The following DIAPH2 variants were observed in gnomAD, a reference collection of about 807,000 sequenced individuals.
The protein encoded by DIAPH2 is diaphanous related formin 2, also known as protein diaphanous homolog 2.
Under a neutral mutation model 92.7 loss-of-function variants are expected in DIAPH2, and 35 were observed. The observed-to-expected ratio is 0.38, with a 90% confidence interval of 0.29 to 0.50. The LOEUF is 0.50. Among genes scored for constraint, DIAPH2 ranks in the 20% least tolerant of loss-of-function variants. DIAPH2 has a pLI of 0.94. For synonymous variants in DIAPH2, 301 were observed against 280.4 expected (o/e 1.07, Z -0.73); for missense variants, 701 against 819.5 (o/e 0.86, Z 1.77).
At chrX:97,393,127 A>G (rs2069675269) in intron 25 of DIAPH2, among the ~76,000 whole-genome samples, 1 of 111,142 alleles carries the variant, frequency 9.0e-6, no homozygotes, top group African/African-American at 3.3e-5. Context: ...GACTACAAGG[A>G]GGATGTAGCT....
In DIAPH2 at chrX:96,916,337, T is replaced by C. The variant is rs6652334; in HGVS notation, c.733-101T>C. On this transcript the variant is annotated intron_variant, in intron 7 of 26. Transcript: ENST00000324765. Reference sequence around the variant, plus strand: ...CATATAATTAGGTAGAACCTCATTGTGGGGGTATGGGTTTTTGGAAGATCA... The same window carrying C: ...CATATAATTAGGTAGAACCTCATTGCGGGGGTATGGGTTTTTGGAAGATCA... The C allele has an allele frequency of 4.2e-5, 31 of 730,164 alleles. No individual in the cohort carries two copies. The African/African-American group carries it at 6.4e-4, about 15-fold the overall frequency. The allele number at this position is 730,164 out of a possible 1,213,427, so 60.2% of individuals were successfully genotyped here.
intron 26 of DIAPH2, among the ~76,000 whole-genome samples, chrX:97,549,266 C>T (rs1451478897): frequency 4.5e-5 from 5 of 111,167 alleles, no homozygotes; most frequent in Admixed American, 9.6e-5. Context: ...ATCTCCTTGC[C>T]TAAATATACA....
intron 17 of DIAPH2, among the ~76,000 whole-genome samples, chrX:96,987,345 AT>A (rs1365394128): frequency 1.8e-5 from 2 of 111,746 alleles, no homozygotes; most frequent in African/African-American, 6.5e-5. Context: ...TTATTTGCTC[AT>A]TCAACAAATA....
intron 26 of DIAPH2, among the ~76,000 whole-genome samples, chrX:97,502,624 G>C (rs1182971714): frequency 1.8e-5 from 2 of 112,294 alleles, no homozygotes; most frequent in Non-Finnish European, 3.8e-5. Flanking sequence ...TCTTTTAATA[G>C]ATTTTTCTTG....
chrX:97,026,533 A>G (rs1280232499), intron 17 of DIAPH2, among the ~76,000 whole-genome samples: 1 of 111,997 alleles, frequency 8.9e-6, no homozygotes, highest in Non-Finnish European at 1.9e-5. Context: ...AATCATCCCT[A>G]GAAACAATGC....
At chrX:97,284,697 G>T (rs2068526015) in intron 23 of DIAPH2, among the ~76,000 whole-genome samples, 1 of 110,408 alleles carries the variant, frequency 9.1e-6, no homozygotes, top group Non-Finnish European at 1.9e-5. Context: ...CAAACTATAT[G>T]CATCAGGCAC....
rs775801047 is a variant in DIAPH2 at position 96,836,952 on chromosome X, C to T, written c.448-44627C>T. 7.3e-3 allele frequency among the ~76,000 whole-genome samples: 765 copies of T among 104,169 alleles called. 6 individuals are homozygous for T. Among genetic ancestry groups the T allele is most frequent in the Middle Eastern group, 0.02 (4 of 205 alleles). 90.5% of individuals were successfully genotyped at this position (104,169 alleles called of 115,157 possible). On this transcript the variant is annotated intron_variant, in intron 4 of 26. Coordinates refer to ENST00000324765, the MANE Select transcript of DIAPH2 (RefSeq NM_006729.5). Reference sequence around the variant, plus strand: ...CCGTGTTAGCCAGGATGGTCTCGATCTCCTGACCTCGTGATCCGCCCGCCT... The same window carrying T: ...CCGTGTTAGCCAGGATGGTCTCGATTTCCTGACCTCGTGATCCGCCCGCCT...
intron 17 of DIAPH2, among the ~76,000 whole-genome samples, chrX:97,005,521 G>A (rs1436344883): frequency 9.0e-6 from 1 of 110,984 alleles, no homozygotes; most frequent in Non-Finnish European, 1.9e-5. Context: ...ATCTTGGTAG[G>A]TTGTATGTGT....
At chrX:97,168,178 G>T (rs1345705106) in intron 22 of DIAPH2, among the ~76,000 whole-genome samples, 3 of 107,583 alleles carry the variant, frequency 2.8e-5, no homozygotes, top group Non-Finnish European at 3.8e-5. Flanking sequence ...TCTGCTTCCT[G>T]GTTTCAAGCG....
At chrX:96,713,857 G>A (rs1010114649) in intron 1 of DIAPH2, among the ~76,000 whole-genome samples, 7 of 111,533 alleles carry the variant, frequency 6.3e-5, no homozygotes, top group Non-Finnish European at 1.3e-4. Flanking sequence ...TCCATTGTCT[G>A]AATGTACCAC....
At chrX:97,108,306 C>T (rs2147371986) in intron 20 of DIAPH2, among the ~76,000 whole-genome samples, 1 of 111,632 alleles carries the variant, frequency 9.0e-6, no homozygotes, top group South Asian at 3.8e-4. Flanking sequence ...CACAGCACTT[C>T]AAGGAATGAA....
At chrX:97,174,084 A>C (rs369090459) in intron 22 of DIAPH2, among the ~76,000 whole-genome samples, 1 of 46,393 alleles carries the variant, frequency 2.2e-5, no homozygotes, top group Admixed American at 2.6e-4. Flanking sequence ...TATAATTATA[A>C]TATATAAAAT....
At chrX:96,782,588 C>T (rs920635582) in intron 4 of DIAPH2, among the ~76,000 whole-genome samples, 71 of 111,111 alleles carry the variant, frequency 6.4e-4, no homozygotes, top group Non-Finnish European at 1.1e-3. Flanking sequence ...CGTGAGCCAC[C>T]GCGCCCGGCC....
chrX:96,841,056 A>G (rs1339717140), intron 4 of DIAPH2, among the ~76,000 whole-genome samples: 1 of 111,832 alleles, frequency 8.9e-6, no homozygotes, highest in East Asian at 2.8e-4. Flanking sequence ...AATCTCTACC[A>G]TTTAAGTCAC....
chrX:97,454,474 A>G (rs1454625494), intron 26 of DIAPH2, among the ~76,000 whole-genome samples: 1 of 111,898 alleles, frequency 8.9e-6, no homozygotes, highest in Non-Finnish European at 1.9e-5. Context: ...TTGTGGCTAT[A>G]CCATGGTATA....
chrX:96,945,843 A>G (rs1316820808), intron 14 of DIAPH2, among the ~76,000 whole-genome samples: 1 of 111,954 alleles, frequency 8.9e-6, no homozygotes, highest in East Asian at 2.8e-4. Context: ...TGATACATGA[A>G]ATAAAATTAC....
intron 4 of DIAPH2, among the ~76,000 whole-genome samples, chrX:96,837,752 TGGC>T (rs781266273): frequency 1.2e-4 from 13 of 111,382 alleles, no homozygotes; most frequent in Non-Finnish European, 1.9e-4. Context: ...TTAATTGAAA[TGGC>T]GGCCTTTTTG....
At chrX:97,138,059 A>G (rs1392596727) in intron 21 of DIAPH2, among the ~76,000 whole-genome samples, 4 of 111,667 alleles carry the variant, frequency 3.6e-5, no homozygotes, top group Admixed American at 1.9e-4. Context: ...CTTACATCTC[A>G]TCAGAAGGGA....
intron 22 of DIAPH2, among the ~76,000 whole-genome samples, chrX:97,174,354 T>A (rs910434961): frequency 9.0e-6 from 1 of 111,102 alleles, no homozygotes; most frequent in Non-Finnish European, 1.9e-5. Flanking sequence ...GTTTTGAAAT[T>A]AAGTCTTAGG....
Sources: gnomAD v4.1 joint callset for allele counts (sites outside exome capture counted in the v4.1 genomes callset) on GRCh38, gnomAD v4.1.1 for gene constraint, MANE v1.5 for transcripts, NCBI Gene and HGNC (gene_info 2026-07-23, HGNC 2026-07-21) for gene names.